The following PCDHGC3 variants were observed in gnomAD, a reference collection of about 807,000 sequenced individuals.
The protein encoded by PCDHGC3 is protocadherin gamma subfamily C, 3, also known as protocadherin gamma-C3.
In PCDHGC3, 26 loss-of-function variants were observed where a neutral mutation model predicts 59.2. The observed-to-expected ratio is 0.44, with a 90% CI of 0.32 to 0.61. PCDHGC3 has a LOEUF of 0.61. PCDHGC3 is among the 20% of genes least tolerant of loss of function. PCDHGC3 has a pLI of 0.05. For missense variants in PCDHGC3, 1,080 were observed against 1,221.8 expected, an observed-to-expected ratio of 0.88 and a Z score of 1.73; for synonymous variants, 487 against 519.7, an observed-to-expected ratio of 0.94 and a Z score of 0.86.
In PCDHGC3 at chr5:141,476,760, CG is replaced by C. The variant is rs1325258321; in HGVS notation, c.646del (p.Ala216ArgfsTer82). The C allele has an allele frequency of 6.2e-7, 1 of 1,613,706 alleles. No individual in the cohort carries two copies. Among genetic ancestry groups the C allele is most frequent in the African/African-American group, 1.3e-5 (1 of 74,930 alleles). On this transcript the variant is annotated frameshift_variant, in exon 1 of 4. Coordinates refer to ENST00000308177, the MANE Select transcript of PCDHGC3 (RefSeq NM_002588.4). LOFTEE classifies it high-confidence loss of function. This position sits in a 1 kb window ranked among gnomAD's most constrained non-coding sequence, Gnocchi z 7.6. ...GAGCCTAGTCTCCAGTTAGTGCTGA[CG>C]GCGTTGGACGGAGGGACCCCAGCTC... ...EREPSLQLVLTALDGGTPALS... is the reference protein window; with the variant it reads ...EREPSLQLVLXALDGGTPALS...
rs532631149 is a variant in PCDHGC3, at chr5:141,506,489, C to A, written c.2578+1008C>A. On this transcript the variant is annotated intron_variant, in intron 3 of 3. Transcript: ENST00000308177. ...AAGAGCACAGGCTTTAGAGGCAGGC[C>A]AATCTGGATTCAAATCCTGGCACCT... 1.9e-4 allele frequency among the ~76,000 whole-genome samples: 29 copies of A among 150,750 alleles called. 1 individual carries two copies. In the South Asian group the frequency reaches 5.9e-3, roughly 31 times the overall value.
rs771313271 is a variant in PCDHGC3 at position 141,477,861 on chromosome 5, G to C, written c.1745G>C (p.Arg582Pro). 1.2e-6 allele frequency: 2 copies of C among 1,612,714 alleles called. No individual in the cohort carries two copies. Among genetic ancestry groups the C allele is most frequent in the South Asian group, 1.1e-5 (1 of 90,968 alleles). The change falls in exon 1 of 4, where the codon CGA (arginine) becomes CCA (proline). Residue 582 changes from arginine to proline, a missense_variant. By Grantham distance (103) the Arg-to-Pro change is moderately radical. Transcript: ENST00000308177. The surrounding 1 kb of genome is among the most constrained non-coding windows in gnomAD (Gnocchi z 4.9). ...PGGSSVEMLPRGTSAGHLVSR... is the reference protein window; with the variant it reads ...PGGSSVEMLPPGTSAGHLVSR... ...GGGAGCTCGGTGGAGATGCTGCCTC[G>C]AGGTACCTCAGCTGGCCACCTAGTG...
At chr5:141,482,888 A>G (rs1012212528) in intron 1 of PCDHGC3, among the ~76,000 whole-genome samples, 3 of 152,208 alleles carry the variant, frequency 2.0e-5, no homozygotes, top group African/African-American at 7.2e-5. Context: ...CCTGGCCAAC[A>G]TGGTGAAACC....
In PCDHGC3 at chr5:141,491,961, G is replaced by A. The variant is rs891299192; in HGVS notation, c.2431-2846G>A. 3 of 970,010 alleles carry A rather than the reference G, an allele frequency of 3.1e-6. No individual in the cohort carries two copies. The highest frequency in any genetic ancestry group is 4.3e-6 in the Non-Finnish European group (3 of 693,098). 60.1% of individuals were successfully genotyped at this position (970,010 alleles called of 1,614,324 possible). On this transcript the variant is annotated intron_variant, in intron 1 of 3. Transcript: ENST00000308177. This position sits in a 1 kb window ranked among gnomAD's most constrained non-coding sequence, Gnocchi z 6.9. ...GACCCCCACCCCTACACTCAAAAAAGGCCGGGGCCTCCTTCGAGCTTCCGG... is the reference window on the plus strand; with the variant it reads ...GACCCCCACCCCTACACTCAAAAAAAGCCGGGGCCTCCTTCGAGCTTCCGG...
At chr5:141,494,171 G>A (rs72790068) in intron 1 of PCDHGC3, among the ~76,000 whole-genome samples, 9,520 of 152,240 alleles carry the variant, frequency 0.063, 348 homozygotes, top group South Asian at 0.11. Flanking sequence ...TTCTAGGGGT[G>A]AGAAGTGTCC....
intron 2 of PCDHGC3, among the ~76,000 whole-genome samples, chr5:141,496,180 GC>G (rs1054381604): frequency 1.4e-4 from 21 of 151,922 alleles, no homozygotes; most frequent in Non-Finnish European, 2.9e-4. Flanking sequence ...CATCCAAGCA[GC>G]CCCAGCTGCT....
chr5:141,500,144 C>T (rs2099796717), intron 2 of PCDHGC3, among the ~76,000 whole-genome samples: 1 of 151,426 alleles, frequency 6.6e-6, no homozygotes, highest in South Asian at 2.1e-4. Context: ...CTAAACTTTT[C>T]TTTGTGTAAT....
chr5:141,488,040 G>A (rs1212272063), intron 1 of PCDHGC3, among the ~76,000 whole-genome samples: 1 of 152,112 alleles, frequency 6.6e-6, no homozygotes, highest in Non-Finnish European at 1.5e-5. Flanking sequence ...CATTTCCCAA[G>A]GGATTGAGGG....
rs111458813 is a variant in PCDHGC3 at position 141,483,648 on chromosome 5, TTG to T, written c.2430+5122_2430+5123del. Among the ~76,000 whole-genome samples, 82 of 149,502 alleles carry T rather than the reference TTG, an allele frequency of 5.5e-4. 1 individual carries two copies. The highest frequency in any genetic ancestry group is 2.5e-3 in the Admixed American group (37 of 14,990). Reference sequence around the variant, plus strand: ...GGAGAAGGTATAGAGGGGTGTGTGTTTGTGTGTGTGTGTGTGTGTGTAAAAGA... The same window carrying T: ...GGAGAAGGTATAGAGGGGTGTGTGTTTGTGTGTGTGTGTGTGTGTAAAAGA... On this transcript the variant is annotated intron_variant, in intron 1 of 3. Transcript: ENST00000308177.
intron 2 of PCDHGC3, among the ~76,000 whole-genome samples, chr5:141,500,333 A>G (rs1237684682): frequency 6.6e-6 from 1 of 151,336 alleles, no homozygotes; most frequent in Non-Finnish European, 1.5e-5. Context: ...CTCAGCCTCC[A>G]GAATAGCTGG....
chr5:141,499,682 C>T, intron 2 of PCDHGC3, among the ~76,000 whole-genome samples: 1 of 148,196 alleles, frequency 6.7e-6, no homozygotes, highest in South Asian at 2.1e-4. Flanking sequence ...CCATCTTTAA[C>T]AGATGACTTT....
intron 3 of PCDHGC3, 152 bp from the exon 4 acceptor site, chr5:141,510,795 G>C (rs994874330): frequency 9.3e-5 from 136 of 1,465,100 alleles, no homozygotes; most frequent in Admixed American, 1.7e-4. Flanking sequence ...CTTGTGAAGA[G>C]AGACTACCTT....
chr5:141,485,674 T>C lies in PCDHGC3; in HGVS notation c.2430+7128T>C. 1 of 1,612,986 alleles carries C rather than the reference T, an allele frequency of 6.2e-7. No homozygotes were observed. Among genetic ancestry groups the C allele is most frequent in the South Asian group, 1.1e-5 (1 of 91,072 alleles). Reference sequence around the variant, plus strand: ...ATGCAGATGTGGGGAGCAATTCGATTAGCAGCTATAGGCTGAGCTCCAATG... The same window carrying C: ...ATGCAGATGTGGGGAGCAATTCGATCAGCAGCTATAGGCTGAGCTCCAATG... On this transcript the variant is annotated intron_variant, in intron 1 of 3. Transcript: ENST00000308177. This position sits in a 1 kb window ranked among gnomAD's most constrained non-coding sequence, Gnocchi z 5.7.
intron 2 of PCDHGC3, among the ~76,000 whole-genome samples, chr5:141,499,192 C>T (rs1048812227): frequency 1.1e-4 from 17 of 152,106 alleles, no homozygotes; most frequent in South Asian, 2.1e-4. Flanking sequence ...CCATTTCCCC[C>T]TTCTTAGGCT....
Position 141,491,004 on chromosome 5 carries a change from G to T in PCDHGC3, c.2431-3803G>T. ...CTCGCTCTGCTCCTCCTGGCTCCTT[G>T]GTCACCAAGGTGACAGCCGTGGATG... On this transcript the variant is annotated intron_variant, in intron 1 of 3. Transcript: ENST00000308177. The surrounding 1 kb of genome is among the most constrained non-coding windows in gnomAD (Gnocchi z 6.9). The T allele has an allele frequency of 6.2e-7, 1 of 1,614,024 alleles. No individual in the cohort carries two copies. Among genetic ancestry groups the T allele is most frequent in the Non-Finnish European group, 8.5e-7 (1 of 1,180,026 alleles).
chr5:141,506,207 TTGGGAAGCTGAG>T (rs1487107822), intron 3 of PCDHGC3, among the ~76,000 whole-genome samples: 1 of 152,020 alleles, frequency 6.6e-6, no homozygotes, highest in Non-Finnish European at 1.5e-5. Flanking sequence ...TCCCAGCACT[TTGGGAAGCTGAG>T]GCAGGAGGAT....
rs1049654933 is a variant in PCDHGC3 at position 141,497,808 on chromosome 5, A to G, written c.2489+2943A>G. 2.6e-5 allele frequency among the ~76,000 whole-genome samples: 4 copies of G among 152,282 alleles called. No homozygotes were observed. The East Asian group carries it at 7.7e-4, about 29-fold the overall frequency. Reference sequence around the variant, plus strand: ...ACCTGCTTCAGCTTCCCAAAGTGCTAGAATTACAGGTGTGATCGCCCCCGG... The same window carrying G: ...ACCTGCTTCAGCTTCCCAAAGTGCTGGAATTACAGGTGTGATCGCCCCCGG... On this transcript the variant is annotated intron_variant, in intron 2 of 3. Coordinates refer to ENST00000308177, the MANE Select transcript of PCDHGC3 (RefSeq NM_002588.4).
At chr5:141,496,733 C>T (rs1221912777) in intron 2 of PCDHGC3, among the ~76,000 whole-genome samples, 12 of 152,138 alleles carry the variant, frequency 7.9e-5, no homozygotes, top group African/African-American at 9.7e-5. Context: ...TGTATTCATT[C>T]GTTCATTTAT....
At chr5:141,497,855 C>T (rs1447484949) in intron 2 of PCDHGC3, among the ~76,000 whole-genome samples, 1 of 152,122 alleles carries the variant, frequency 6.6e-6, no homozygotes, top group Non-Finnish European at 1.5e-5. Flanking sequence ...ATTTTTGATT[C>T]AGCGGCTCCA....
Sources: allele counts gnomAD v4.1 joint callset (sites outside exome capture counted in the v4.1 genomes callset), GRCh38; gene constraint gnomAD v4.1.1; non-coding constraint Gnocchi (gnomAD v3.1); transcripts MANE v1.5; gene names NCBI Gene and HGNC (gene_info 2026-07-23, HGNC 2026-07-21).